CDKL5: variants seen among roughly 807,000 people sequenced by gnomAD.
The protein encoded by CDKL5 is cyclin dependent kinase like 5.
Under a neutral mutation model 61.7 loss-of-function variants are expected in CDKL5, and 8 were observed. The ratio of observed to expected loss-of-function variants is 0.13; its 90% CI spans 0.08 to 0.23. The LOEUF (loss-of-function observed/expected upper bound fraction) is 0.23. Ranked by LOEUF, CDKL5 falls within the 10% of genes least tolerant of loss-of-function variation. The pLI is 1.00. For synonymous variants in CDKL5, 275 were observed against 272.3 expected (o/e 1.01, Z -0.10); for missense variants, 440 against 734.5 (o/e 0.60, Z 4.63).
intron 3 of CDKL5, among the ~76,000 whole-genome samples, chrX:18,516,434 A>G (rs758607687): frequency 1.8e-5 from 2 of 110,894 alleles, no homozygotes; most frequent in Non-Finnish European, 3.8e-5. Context: ...TAATTGTAGA[A>G]CAGTGCCTGG....
chrX:18,467,200 G>T (rs1427913056), intron 1 of CDKL5, among the ~76,000 whole-genome samples: 1 of 110,245 alleles, frequency 9.1e-6, no homozygotes, highest in Non-Finnish European at 1.9e-5. Context: ...AAGGAATCCA[G>T]CAGTGACCAA....
chrX:18,467,329 T>G (rs1920970538), intron 1 of CDKL5, among the ~76,000 whole-genome samples: 1 of 111,219 alleles, frequency 9.0e-6, no homozygotes, highest in Non-Finnish European at 1.9e-5. Flanking sequence ...GGTTGCCAGG[T>G]GGAGGTTGGT....
chrX:18,526,553 C>T (rs1923446345), intron 3 of CDKL5, among the ~76,000 whole-genome samples: 1 of 111,565 alleles, frequency 9.0e-6, no homozygotes, highest in Non-Finnish European at 1.9e-5. Context: ...CAGTTTCTTA[C>T]TGTTAAGTAC....
intron 1 of CDKL5, among the ~76,000 whole-genome samples, chrX:18,501,828 C>T (rs892667679): frequency 3.6e-5 from 4 of 112,310 alleles, no homozygotes; most frequent in African/African-American, 6.5e-5. Flanking sequence ...GGATTACAGG[C>T]GTGAGCCACC....
chrX:18,569,622 G>A (rs766469580), intron 4 of CDKL5, among the ~76,000 whole-genome samples: 3 of 112,102 alleles, frequency 2.7e-5, no homozygotes, highest in Non-Finnish European at 5.6e-5. Context: ...ACCCAAGAGC[G>A]CTGATTTAGA....
At chrX:18,509,044 C>T (rs916265619) in intron 2 of CDKL5, among the ~76,000 whole-genome samples, 1 of 106,459 alleles carries the variant, frequency 9.4e-6, no homozygotes, top group Non-Finnish European at 1.9e-5. Flanking sequence ...AGTGAGTGAG[C>T]TTGTGCCACT....
At chrX:18,575,515 A>G (rs1267162631) in intron 5 of CDKL5, 25 bp downstream of exon 5, 1 of 1,182,865 alleles carries the variant, frequency 8.5e-7, no homozygotes, top group African/African-American at 1.8e-5. Context: ...GCCAATGTGC[A>G]CATTTGCCCG....
chrX:18,537,007 T>TA (rs1262389403), intron 3 of CDKL5, among the ~76,000 whole-genome samples: 1 of 108,135 alleles, frequency 9.2e-6, no homozygotes, highest in African/African-American at 3.4e-5. Context: ...TTTTTTTTTT[T>TA]AACTGTTGTA....
At chrX:18,472,623 C>T (rs1921135629) in intron 1 of CDKL5, among the ~76,000 whole-genome samples, 1 of 111,245 alleles carries the variant, frequency 9.0e-6, no homozygotes, top group African/African-American at 3.3e-5. Flanking sequence ...CTTTGAAATA[C>T]AGAGCATCAA....
chrX:18,640,434 A>ACCCCCCCCCC (rs753767629), downstream of CDKL5: 3 of 49,194 alleles, frequency 6.1e-5, no homozygotes, highest in African/African-American at 7.7e-5. Flanking sequence ...AAGTCCCCCC[A>ACCCCCCCCCC]CCCCCCCCCC....
At chrX:18,441,554 G>T (rs1469965666) in intron 1 of CDKL5, among the ~76,000 whole-genome samples, 1 of 111,723 alleles carries the variant, frequency 9.0e-6, no homozygotes, top group Admixed American at 9.5e-5. Flanking sequence ...GGTGGTGGTG[G>T]GGGGGCTTAG....
chrX:18,437,982 C>T (rs753915148), intron 1 of CDKL5, among the ~76,000 whole-genome samples: 1 of 112,420 alleles, frequency 8.9e-6, no homozygotes, highest in African/African-American at 3.2e-5. Context: ...ATAACTGCAG[C>T]ATCACCTCTT....
intron 1 of CDKL5, among the ~76,000 whole-genome samples, chrX:18,502,172 T>G (rs183359192): frequency 9.0e-6 from 1 of 111,334 alleles, no homozygotes; most frequent in East Asian, 2.8e-4. Context: ...TTTCCCTCTT[T>G]CATAACAAAA....
intron 4 of CDKL5, among the ~76,000 whole-genome samples, chrX:18,574,445 G>A (rs890672567): frequency 9.0e-6 from 1 of 111,334 alleles, no homozygotes. Flanking sequence ...CTGTATCCTG[G>A]TACATACATG....
rs367880038 is a variant in CDKL5, at chrX:18,536,401, A to G, written c.99+25547A>G. The stretch of plus-strand genomic sequence containing the variant: ...TGTAGACCTAGTTCATCATATTACA[A>G]GTTCTAGAGAGTATTATTTATTCAA... On this transcript the variant is annotated intron_variant, in intron 3 of 17. Transcript: ENST00000623535. 6.9e-5 allele frequency among the ~76,000 whole-genome samples: 7 copies of G among 101,942 alleles called. No homozygotes were observed. The East Asian group carries it at 1.6e-3, about 23-fold the overall frequency. The allele number at this position is 101,942 out of a possible 115,157, so 88.5% of individuals were successfully genotyped here. A position where few individuals can be genotyped will look rare whatever the true frequency, so the allele number is the denominator to read the frequency against.
At chrX:18,519,110 ACT>A (rs749310051) in intron 3 of CDKL5, among the ~76,000 whole-genome samples, 205 of 110,933 alleles carry the variant, frequency 1.8e-3, no homozygotes, top group Middle Eastern at 4.6e-3. Context: ...TGCCGTTAAG[ACT>A]CTACCATATT....
At chrX:18,468,550 T>C (rs1226350679) in intron 1 of CDKL5, among the ~76,000 whole-genome samples, 1 of 112,466 alleles carries the variant, frequency 8.9e-6, no homozygotes, top group Admixed American at 9.5e-5. Context: ...TTTGCATTTA[T>C]ACTTGTTTTT....
At chrX:18,624,182 A>T (rs776427655) in intron 16 of CDKL5, among the ~76,000 whole-genome samples, 6 of 112,380 alleles carry the variant, frequency 5.3e-5, no homozygotes, top group African/African-American at 1.9e-4. Context: ...CAGTTAAGAA[A>T]GTTGAAGCAC....
intron 1 of CDKL5, among the ~76,000 whole-genome samples, chrX:18,497,987 T>TAA (rs796962869): frequency 5.5e-5 from 5 of 91,172 alleles, no homozygotes; most frequent in African/African-American, 1.2e-4. Flanking sequence ...CCCAGCTAAT[T>TAA]AAAAAAAAAA....
Sources: gnomAD v4.1 joint callset for allele counts (sites outside exome capture counted in the v4.1 genomes callset) on GRCh38, gnomAD v4.1.1 for gene constraint, MANE v1.5 for transcripts, NCBI Gene and HGNC (gene_info 2026-07-23, HGNC 2026-07-21) for gene names.